The following IQSEC1 variants were observed in gnomAD, a reference collection of about 807,000 sequenced individuals.
The protein encoded by IQSEC1 is IQ motif and Sec7 domain ArfGEF 1.
Under a neutral mutation model 91.0 loss-of-function variants are expected in IQSEC1, and 31 were observed. The ratio of observed to expected loss-of-function variants is 0.34; its 90% CI spans 0.26 to 0.46. IQSEC1 has a LOEUF of 0.46. Ranked by LOEUF, IQSEC1 falls within the 20% of genes least tolerant of loss-of-function variation. The probability of loss-of-function intolerance (pLI) is 1.00; values close to 1 mark genes in which losing one functional copy is unlikely to be tolerated. For synonymous variants in IQSEC1, 699 were observed against 662.6 expected (o/e 1.05, Z -0.84); for missense variants, 1,388 against 1,575.6 (o/e 0.88, Z 2.02).
At position 12,970,222 on chromosome 3, in the gene IQSEC1, T is replaced by C. The variant is rs1254637757; in HGVS notation, c.24-28357A>G. ...CTGCTGTGACAAGTATTCCCCAGTA[T>C]GGTGTCGTGACAGTGGAGGAAAGAG... On this transcript the variant is annotated intron_variant, in intron 1 of 13. Coordinates refer to ENST00000613206, the MANE Select transcript of IQSEC1 (RefSeq NM_001134382.3). This position sits in a 1 kb window ranked among gnomAD's most constrained non-coding sequence, Gnocchi z 4.4. Among the ~76,000 whole-genome samples, 1 of 152,190 alleles carries C rather than the reference T, an allele frequency of 6.6e-6. No homozygotes were observed. The highest frequency in any genetic ancestry group is 1.5e-5 in the Non-Finnish European group (1 of 68,040).
At chr3:13,062,088 T>C (rs1705085852) in intron 1 of IQSEC1, among the ~76,000 whole-genome samples, 1 of 152,230 alleles carries the variant, frequency 6.6e-6, no homozygotes, top group Non-Finnish European at 1.5e-5. Context: ...CCAGCCACAC[T>C]GAAGCCAGAT....
At chr3:13,021,056 C>T (rs537734369) in intron 1 of IQSEC1, among the ~76,000 whole-genome samples, 6 of 152,284 alleles carry the variant, frequency 3.9e-5, no homozygotes, top group Non-Finnish European at 8.8e-5. Context: ...GCAAATCCAC[C>T]CCTTTAAATA....
At chr3:13,272,742 C>A (rs1695610852) in intron 1 of IQSEC1, among the ~76,000 whole-genome samples, 1 of 152,204 alleles carries the variant, frequency 6.6e-6, no homozygotes. Flanking sequence ...GGGGATGGAA[C>A]TTTCCAGGCT....
At chr3:13,184,497 T>C (rs955446156) in intron 1 of IQSEC1, among the ~76,000 whole-genome samples, 1 of 152,198 alleles carries the variant, frequency 6.6e-6, no homozygotes, top group African/African-American at 2.4e-5. Context: ...TCCAGCTACC[T>C]TTATGGAGAA....
At chr3:13,278,254 C>T (rs866145236) in intron 1 of IQSEC1, among the ~76,000 whole-genome samples, 3 of 152,256 alleles carry the variant, frequency 2.0e-5, no homozygotes, top group Non-Finnish European at 4.4e-5. Flanking sequence ...GGCTTCCCCC[C>T]CCCACCCCCA....
chr3:13,137,050 C>T (rs1024320983), intron 2 of IQSEC1, among the ~76,000 whole-genome samples: 7 of 152,282 alleles, frequency 4.6e-5, no homozygotes, highest in South Asian at 2.1e-4. Context: ...GCAGGAGGAT[C>T]GCTTTAGCCC....
At chr3:13,283,087 G>A (rs1218018514) in exon 1 of IQSEC1, among the ~76,000 whole-genome samples, 3 of 144,672 alleles carry the variant, frequency 2.1e-5, no homozygotes, top group Non-Finnish European at 4.6e-5. Flanking sequence ...CGCGGCGCGG[G>A]GCTGCCGCGG....
At chr3:13,106,311 C>G (rs1304907098) in intron 2 of IQSEC1, among the ~76,000 whole-genome samples, 2 of 152,230 alleles carry the variant, frequency 1.3e-5, no homozygotes, top group East Asian at 3.8e-4. Flanking sequence ...CTACCTCCCC[C>G]AGGCCTCAGC....
chr3:13,201,674 C>T (rs1694249371), intron 1 of IQSEC1, among the ~76,000 whole-genome samples: 1 of 152,186 alleles, frequency 6.6e-6, no homozygotes, highest in Admixed American at 6.5e-5. Flanking sequence ...AAAGAGTAGA[C>T]CCACGGGGTC....
chr3:13,197,942 C>T (rs983614964), intron 1 of IQSEC1, among the ~76,000 whole-genome samples: 5 of 152,200 alleles, frequency 3.3e-5, no homozygotes, highest in Non-Finnish European at 5.9e-5. Context: ...GCGTGGTGCC[C>T]GCGGCTTGGA....
intron 1 of IQSEC1, among the ~76,000 whole-genome samples, chr3:12,964,545 G>A (rs368065295): frequency 2.0e-5 from 3 of 152,168 alleles, no homozygotes; most frequent in African/African-American, 7.2e-5. Flanking sequence ...CTGGAGTCCC[G>A]AGGATGGCCA....
intron 1 of IQSEC1, among the ~76,000 whole-genome samples, chr3:13,245,040 A>G (rs1695085597): frequency 6.6e-6 from 1 of 152,208 alleles, no homozygotes; most frequent in African/African-American, 2.4e-5. Context: ...AAACTGCCCC[A>G]AAACTTGATG....
At chr3:13,011,780 C>T (rs1194944869) in intron 1 of IQSEC1, among the ~76,000 whole-genome samples, 3 of 152,172 alleles carry the variant, frequency 2.0e-5, no homozygotes, top group South Asian at 2.1e-4. Flanking sequence ...CTGCCACTAC[C>T]GGTAGATCAG....
intron 1 of IQSEC1, among the ~76,000 whole-genome samples, chr3:13,195,483 A>G (rs1694109133): frequency 6.6e-6 from 1 of 152,228 alleles, no homozygotes. Context: ...CTGTACTCAA[A>G]TGCACTTAAA....
At chr3:13,036,158 A>C (rs1704027859) in intron 1 of IQSEC1, among the ~76,000 whole-genome samples, 1 of 152,202 alleles carries the variant, frequency 6.6e-6, no homozygotes, top group South Asian at 2.1e-4. Flanking sequence ...GATGTGTTAC[A>C]CCGTCATAAC....
intron 1 of IQSEC1, among the ~76,000 whole-genome samples, chr3:13,063,153 C>T (rs977286963): frequency 8.5e-5 from 13 of 152,122 alleles, no homozygotes; most frequent in Non-Finnish European, 1.6e-4. Flanking sequence ...CCTCAGAGAG[C>T]CGACACCACG....
chr3:13,235,503 G>A (rs556760512), intron 1 of IQSEC1, among the ~76,000 whole-genome samples: 51 of 152,280 alleles, frequency 3.3e-4, no homozygotes, highest in Admixed American at 1.8e-3. Flanking sequence ...TGCTGAGCTG[G>A]TTGGGGGAGT....
chr3:13,256,475 G>A lies in IQSEC1; in HGVS notation c.272+26236C>T, dbSNP rs943549722. Among the ~76,000 whole-genome samples, 24 of 152,048 alleles carry A rather than the reference G, an allele frequency of 1.6e-4. 1 individual carries two copies. The highest frequency in any genetic ancestry group is 1.5e-3 in the Admixed American group (23 of 15,254). On this transcript the variant is annotated intron_variant, in intron 1 of 15. Transcript: ENST00000648114. ...AGTACCAACTGTGGTTATAACCCACGGCATCAGCCCCATCCTTATCCCCCA... is the reference window on the plus strand; with the variant it reads ...AGTACCAACTGTGGTTATAACCCACAGCATCAGCCCCATCCTTATCCCCCA...
chr3:13,232,513 G>A (rs73134189), intron 1 of IQSEC1, among the ~76,000 whole-genome samples: 5,076 of 152,206 alleles, frequency 0.033, 272 homozygotes, highest in African/African-American at 0.12. Context: ...GAAGAAAGGC[G>A]GGGAGGCCTC....
Sources: gnomAD v4.1 joint callset for allele counts (sites outside exome capture counted in the v4.1 genomes callset) on GRCh38, gnomAD v4.1.1 for gene constraint, Gnocchi (gnomAD v3.1) non-coding constraint, MANE v1.5 for transcripts, NCBI Gene and HGNC (gene_info 2026-07-23, HGNC 2026-07-21) for gene names.